GALNT13: variants seen among roughly 807,000 people sequenced by gnomAD.
GALNT13 encodes UDP-GalNAc:polypeptide N-acetylgalactosaminyltransferase 13.
Under a neutral mutation model 64.2 loss-of-function variants are expected in GALNT13, and 28 were observed. The observed-to-expected ratio is 0.44, with a 90% CI of 0.32 to 0.60. The LOEUF is 0.60. Among genes scored for constraint, GALNT13 ranks in the 20% least tolerant of loss-of-function variants. The pLI, the probability that GALNT13 is intolerant of heterozygous loss-of-function variation, is 0.05. For synonymous variants in GALNT13, 214 were observed against 224.6 expected, an observed-to-expected ratio of 0.95 and a Z score of 0.42; for missense variants, 577 against 669.8, an observed-to-expected ratio of 0.86 and a Z score of 1.53.
intron 3 of GALNT13, among the ~76,000 whole-genome samples, chr2:154,031,059 A>G (rs1440405725): frequency 6.6e-6 from 1 of 152,208 alleles, no homozygotes; most frequent in Non-Finnish European, 1.5e-5. Flanking sequence ...CTGACCACTT[A>G]TTAAAAAGTA....
At position 154,347,442 on chromosome 2, in the gene GALNT13, G is replaced by A. The variant is rs148178247; in HGVS notation, c.1156+45853G>A. ...TTTATGTACTTAAATCTGCAATTAT[G>A]CTTCTCTCTAAATTTTTTCTTTATT... On this transcript the variant is annotated intron_variant, in intron 9 of 12. Transcript: ENST00000392825. 1.2e-4 allele frequency among the ~76,000 whole-genome samples: 19 copies of A among 152,140 alleles called. No individual in the cohort carries two copies. In the East Asian group the frequency reaches 3.3e-3, roughly 26 times the overall value.
At chr2:153,180,045 CA>C in the GALNT13 span, among the ~76,000 whole-genome samples, 1 of 152,182 alleles carries the variant, frequency 6.6e-6, no homozygotes, top group African/African-American at 2.4e-5. Flanking sequence ...ATTGCTTTGG[CA>C]AAAACTTCTA....
chr2:153,234,834 A>C, the GALNT13 span, among the ~76,000 whole-genome samples: 3 of 152,146 alleles, frequency 2.0e-5, no homozygotes, highest in Admixed American at 1.3e-4. Flanking sequence ...AATCCTGACT[A>C]TCTCATAATT....
intron 7 of GALNT13, among the ~76,000 whole-genome samples, chr2:154,257,075 C>CA (rs200914301): frequency 5.3e-5 from 8 of 151,524 alleles, no homozygotes; most frequent in South Asian, 2.1e-4. Flanking sequence ...ATTGCAAACA[C>CA]AAAAAAAACT....
chr2:153,361,889 C>T, the GALNT13 span, among the ~76,000 whole-genome samples: 3 of 151,966 alleles, frequency 2.0e-5, no homozygotes, highest in Non-Finnish European at 4.4e-5. Context: ...CTAGGATACT[C>T]CACAAGATCA....
intron 3 of GALNT13, among the ~76,000 whole-genome samples, chr2:153,946,074 C>T (rs1691718221): frequency 6.6e-6 from 1 of 152,074 alleles, no homozygotes; most frequent in Admixed American, 6.6e-5. Flanking sequence ...AGTTAAAACC[C>T]CAGAATTAAT....
At chr2:153,573,955 T>C in the GALNT13 span, among the ~76,000 whole-genome samples, 153 of 152,182 alleles carry the variant, frequency 1.0e-3, no homozygotes, top group African/African-American at 3.6e-3. Context: ...TTCAGGTGAT[T>C]ATTTATTGCT....
rs115140311 is a variant in GALNT13 at position 154,227,845 on chromosome 2, C to T, written c.312-14185C>T. 4.9e-3 allele frequency among the ~76,000 whole-genome samples: 741 copies of T among 150,944 alleles called. 6 individuals carry two copies. The highest frequency in any genetic ancestry group is 0.017 in the African/African-American group (701 of 41,078). Reference sequence around the variant, plus strand: ...CGTTTACCCTGAGATAACTTTGCCACGAAATATCTCACTTTTATTATTATA... The same window carrying T: ...CGTTTACCCTGAGATAACTTTGCCATGAAATATCTCACTTTTATTATTATA... On this transcript the variant is annotated intron_variant, in intron 4 of 12. Coordinates refer to ENST00000392825, the MANE Select transcript of GALNT13 (RefSeq NM_052917.4).
chr2:153,943,696 T>C (rs1444007972), intron 2 of GALNT13, among the ~76,000 whole-genome samples: 3 of 152,140 alleles, frequency 2.0e-5, no homozygotes, highest in Admixed American at 1.3e-4. Flanking sequence ...GGTTTTACCA[T>C]GTTGGCCAGA....
At chr2:153,780,960 T>G in the GALNT13 span, among the ~76,000 whole-genome samples, 6 of 152,188 alleles carry the variant, frequency 3.9e-5, no homozygotes, top group East Asian at 1.2e-3. Context: ...TGATAAACTC[T>G]ATGTTAATTT....
the GALNT13 span, among the ~76,000 whole-genome samples, chr2:153,453,854 G>A: frequency 0.22 from 33,792 of 151,958 alleles, 3,965 homozygotes; most frequent in Non-Finnish European, 0.25. Flanking sequence ...TAACAAAGAC[G>A]TAGAACCAGA....
the GALNT13 span, among the ~76,000 whole-genome samples, chr2:153,672,434 A>T: frequency 6.6e-6 from 1 of 152,190 alleles, no homozygotes; most frequent in African/African-American, 2.4e-5. Context: ...AAACTAAACA[A>T]CCTGCTCCTG....
At chr2:153,244,052 T>G in the GALNT13 span, among the ~76,000 whole-genome samples, 1 of 141,250 alleles carries the variant, frequency 7.1e-6, no homozygotes, top group African/African-American at 3.2e-5. Context: ...ACTATTTTTA[T>G]GTACTATTGA....
chr2:153,959,554 C>T (rs892929293), intron 3 of GALNT13, among the ~76,000 whole-genome samples: 1 of 152,178 alleles, frequency 6.6e-6, no homozygotes. Flanking sequence ...GGACGTGTTT[C>T]AAGGCACCGA....
intron 3 of GALNT13, among the ~76,000 whole-genome samples, chr2:154,028,376 G>A (rs958761030): frequency 6.6e-6 from 1 of 151,146 alleles, no homozygotes. Flanking sequence ...TAGCTTGCAA[G>A]TTGATTGTTT....
the GALNT13 span, among the ~76,000 whole-genome samples, chr2:153,612,164 G>A: frequency 2.8e-3 from 430 of 152,170 alleles, 9 homozygotes; most frequent in Admixed American, 0.023. Context: ...AGTTAGAATG[G>A]TGATCATTAA....
the GALNT13 span, among the ~76,000 whole-genome samples, chr2:153,529,205 TA>T: frequency 6.6e-6 from 1 of 151,656 alleles, no homozygotes; most frequent in African/African-American, 2.4e-5. Context: ...AAAATCCAAA[TA>T]AAATCAGAGA....
intron 4 of GALNT13, among the ~76,000 whole-genome samples, chr2:154,224,627 A>C (rs537793291): frequency 6.6e-6 from 1 of 152,196 alleles, no homozygotes; most frequent in Admixed American, 6.6e-5. Flanking sequence ...TACAAAAATA[A>C]ATGGAGGTTT....
chr2:153,571,124 C>A, the GALNT13 span, among the ~76,000 whole-genome samples: 1 of 151,894 alleles, frequency 6.6e-6, no homozygotes, highest in African/African-American at 2.4e-5. Context: ...GTGTCCCCTT[C>A]AACTTCTGTC....
Sources: gnomAD v4.1 joint callset for allele counts (sites outside exome capture counted in the v4.1 genomes callset) on GRCh38, gnomAD v4.1.1 for gene constraint, MANE v1.5 for transcripts, NCBI Gene and HGNC (gene_info 2026-07-23, HGNC 2026-07-21) for gene names.